The following DPYSL5 variants were observed in gnomAD, a reference collection of about 807,000 sequenced individuals.
The protein encoded by DPYSL5 is dihydropyrimidinase like 5.
DPYSL5 carries 9 observed loss-of-function variants against 58.4 expected under a neutral mutation model. The observed-to-expected ratio is 0.15, with a 90% confidence interval of 0.09 to 0.27. The LOEUF (loss-of-function observed/expected upper bound fraction) is 0.27, where lower values mean the gene tolerates loss of function less well. Among genes scored for constraint, DPYSL5 ranks in the 10% least tolerant of loss-of-function variants. The pLI is 1.00. For synonymous variants in DPYSL5, 293 were observed against 301.9 expected, an observed-to-expected ratio of 0.97 and a Z score of 0.31; for missense variants, 499 against 770.6, an observed-to-expected ratio of 0.65 and a Z score of 4.17.
At chr2:26,891,990 A>T (rs1663892242) in intron 1 of DPYSL5, among the ~76,000 whole-genome samples, 1 of 152,174 alleles carries the variant, frequency 6.6e-6, no homozygotes. Context: ...AGGCTTTTGA[A>T]CATATATTTT....
chr2:26,850,375 T>C (rs1311384989), intron 1 of DPYSL5, among the ~76,000 whole-genome samples: 3 of 152,114 alleles, frequency 2.0e-5, no homozygotes, highest in Non-Finnish European at 4.4e-5. Context: ...GCACTCAGCC[T>C]CTCGCCCGCC....
At position 26,932,189 on chromosome 2, in the gene DPYSL5, A is replaced by AAGAAAGAC. The variant is rs1553321124; in HGVS notation, c.714+512_714+513insCAGAAAGA. ...AAAGAAAGAAAGAAAGAAAGAAAGAAAGAAAGAAAGAAAGAAAGAAAAGAA... is the reference window on the plus strand; with the variant it reads ...AAAGAAAGAAAGAAAGAAAGAAAGAAAGAAAGACAGAAAGAAAGAAAGAAAGAAAAGAA... On this transcript the variant is annotated intron_variant, in intron 6 of 12. Coordinates refer to ENST00000288699, the MANE Select transcript of DPYSL5 (RefSeq NM_020134.4). Among the ~76,000 whole-genome samples the AAGAAAGAC allele has an allele frequency of 3.6e-3, 261 of 72,134 alleles. 3 individuals are homozygous for AAGAAAGAC. The highest frequency in any genetic ancestry group is 7.8e-3 in the African/African-American group (158 of 20,146). 47.3% of individuals were successfully genotyped at this position (72,134 alleles called of 152,430 possible).
chr2:26,912,424 T>C (rs1664464855), intron 2 of DPYSL5, among the ~76,000 whole-genome samples: 1 of 152,208 alleles, frequency 6.6e-6, no homozygotes. Context: ...GAGTTACATG[T>C]GTCTTATTGC....
intron 11 of DPYSL5, among the ~76,000 whole-genome samples, chr2:26,943,163 G>A (rs1195013615): frequency 6.6e-6 from 1 of 152,170 alleles, no homozygotes; most frequent in African/African-American, 2.4e-5. Context: ...CATTTGCAAA[G>A]CATTGTCTGA....
rs890418847 is a variant in DPYSL5 at position 26,879,862 on chromosome 2, G to T, written c.-4-18634G>T. On this transcript the variant is annotated intron_variant, in intron 1 of 12. Coordinates refer to ENST00000288699, the MANE Select transcript of DPYSL5 (RefSeq NM_020134.4). ...AGACACCTGTCCACACCTGCTTTCT[G>T]CTCTGCTCACCTATGCTGCCACTCG... 2.0e-5 allele frequency among the ~76,000 whole-genome samples: 3 copies of T among 152,146 alleles called. No individual in the cohort carries two copies. In the South Asian group the frequency reaches 6.2e-4, roughly 32 times the overall value.
At chr2:26,913,142 A>G (rs1664482916) in intron 2 of DPYSL5, among the ~76,000 whole-genome samples, 1 of 152,214 alleles carries the variant, frequency 6.6e-6, no homozygotes, top group African/African-American at 2.4e-5. Context: ...CTGTGGCATG[A>G]AGTACATTCG....
At chr2:26,922,965 C>T (rs978051013) in intron 2 of DPYSL5, among the ~76,000 whole-genome samples, 3 of 152,300 alleles carry the variant, frequency 2.0e-5, no homozygotes, top group South Asian at 2.1e-4. Context: ...GGAACATTCT[C>T]GCTGGCCCAG....
chr2:26,928,149 T>C lies in DPYSL5; in HGVS notation c.601-106T>C, dbSNP rs1356113517. 6 of 1,203,234 alleles carry C rather than the reference T, an allele frequency of 5.0e-6. No homozygotes were observed. The African/African-American group carries it at 6.0e-5, about 12-fold the overall frequency. The allele number at this position is 1,203,234 out of a possible 1,614,324, so 74.5% of individuals were successfully genotyped here. On this transcript the variant is annotated intron_variant, in intron 4 of 12. Coordinates refer to ENST00000288699, the MANE Select transcript of DPYSL5 (RefSeq NM_020134.4). ...AGAAGTGAGAAAAGAAGCAAGCCTA[T>C]TGAAACAGGCGGTGTCTAGCATATT...
rs765628738 is a variant in DPYSL5, at chr2:26,944,712, C to T, written c.1497C>T (p.Val499=). ...CCTACCTGGGGGATGTCGCTGTTGTCGTGCACCCTGGGAAAAAAGAGATGG... is the reference window on the plus strand; with the variant it reads ...CCTACCTGGGGGATGTCGCTGTTGTTGTGCACCCTGGGAAAAAAGAGATGG... ...RTPYLGDVAV[V]VHPGKKEMGT... is the part of the protein sequence containing the mutation. Residue 499 remains valine (V), a synonymous_variant, in exon 12 of 13, where the codon GTC becomes GTT. Coordinates refer to ENST00000288699, the MANE Select transcript of DPYSL5 (RefSeq NM_020134.4). The surrounding 1 kb of genome is among the most constrained non-coding windows in gnomAD (Gnocchi z 4.4). 5.9e-5 allele frequency: 96 copies of T among 1,613,956 alleles called. No individual in the cohort carries two copies. The highest frequency in any genetic ancestry group is 7.6e-5 in the Non-Finnish European group (90 of 1,179,998).
At chr2:26,914,813 G>A (rs1664524651) in intron 2 of DPYSL5, among the ~76,000 whole-genome samples, 1 of 152,102 alleles carries the variant, frequency 6.6e-6, no homozygotes, top group South Asian at 2.1e-4. Context: ...CGGGGAGCAG[G>A]AACTCAGGAC....
At position 26,849,285 on chromosome 2, in the gene DPYSL5, CGAG is replaced by C. The variant is rs576955594; in HGVS notation, c.-5+1035_-5+1037del. On this transcript the variant is annotated intron_variant, in intron 1 of 12. Transcript: ENST00000288699. The surrounding 1 kb of genome is among the most constrained non-coding windows in gnomAD (Gnocchi z 6.2). ...TGGGTTTGAGGAGGGAGGACGGGAG[CGAG>C]GAGAAGACCCGCGCTGTGCGGGGGA... is the stretch of plus-strand genomic sequence containing the variant. Among the ~76,000 whole-genome samples, 797 of 150,520 alleles carry C rather than the reference CGAG, an allele frequency of 5.3e-3. 4 individuals carry two copies. The highest frequency in any genetic ancestry group is 9.9e-3 in the East Asian group (50 of 5,054).
intron 2 of DPYSL5, among the ~76,000 whole-genome samples, chr2:26,916,340 G>A (rs189508201): frequency 1.3e-5 from 2 of 152,230 alleles, no homozygotes; most frequent in East Asian, 1.9e-4. Flanking sequence ...GTGGCTGCAC[G>A]TGGCTTACAG....
chr2:26,913,238 A>T (rs548440437), intron 2 of DPYSL5, among the ~76,000 whole-genome samples: 1 of 152,276 alleles, frequency 6.6e-6, no homozygotes, highest in East Asian at 1.9e-4. Flanking sequence ...GTGAATGAAT[A>T]AGAAGTTCCC....
intron 2 of DPYSL5, among the ~76,000 whole-genome samples, chr2:26,906,404 T>C (rs1297986298): frequency 1.3e-5 from 2 of 152,054 alleles, no homozygotes; most frequent in East Asian, 3.9e-4. Context: ...GGATGGTCTC[T>C]ATCTCTTGAC....
chr2:26,848,094 C>T (rs1025125110), upstream of DPYSL5: 2 of 151,668 alleles, frequency 1.3e-5, no homozygotes, highest in Non-Finnish European at 2.9e-5. Flanking sequence ...CGCGCCCCTC[C>T]CCCGCTCCCC....
intron 1 of DPYSL5, among the ~76,000 whole-genome samples, chr2:26,883,001 T>C (rs1663613622): frequency 6.6e-6 from 1 of 152,066 alleles, no homozygotes; most frequent in African/African-American, 2.4e-5. Context: ...ACAGAAACTA[T>C]TGTTTATTCT....
intron 5 of DPYSL5, 132 bp downstream of exon 5, chr2:26,928,455 G>T (rs1244109627): frequency 5.9e-6 from 6 of 1,023,042 alleles, no homozygotes; most frequent in Non-Finnish European, 8.8e-6. Context: ...CAACATTTGG[G>T]AGGCTGAGGT....
intron 1 of DPYSL5, among the ~76,000 whole-genome samples, chr2:26,863,338 C>G (rs1318850428): frequency 6.6e-6 from 1 of 152,212 alleles, no homozygotes; most frequent in Non-Finnish European, 1.5e-5. Flanking sequence ...GAGTGTGGGA[C>G]AGTCTTGACC....
intron 1 of DPYSL5, among the ~76,000 whole-genome samples, chr2:26,857,916 G>C (rs536961080): frequency 6.6e-6 from 1 of 152,330 alleles, no homozygotes; most frequent in South Asian, 2.1e-4. Flanking sequence ...TGGCCCAGGA[G>C]AGATGGCAGT....
Sources: gnomAD v4.1 joint callset for allele counts (sites outside exome capture counted in the v4.1 genomes callset) on GRCh38, gnomAD v4.1.1 for gene constraint, Gnocchi (gnomAD v3.1) non-coding constraint, MANE v1.5 for transcripts, NCBI Gene and HGNC (gene_info 2026-07-23, HGNC 2026-07-21) for gene names.